Variants in NKAIN3 observed in about 807,000 individuals in gnomAD.
NKAIN3 encodes sodium/potassium-transporting ATPase subunit beta-1-interacting protein 3.
In NKAIN3, 25 loss-of-function variants were observed where a neutral mutation model predicts 30.2. The observed-to-expected ratio is 0.83, with a 90% CI of 0.60 to 1.16. The LOEUF is 1.16. NKAIN3 is among the 50% of genes most tolerant of loss of function. The pLI, the probability that NKAIN3 is intolerant of heterozygous loss-of-function variation, is 0.00. For synonymous variants in NKAIN3, 91 were observed against 89.6 expected, an observed-to-expected ratio of 1.02 and a Z score of -0.09; for missense variants, 225 against 254.1, an observed-to-expected ratio of 0.89 and a Z score of 0.78.
chr8:62,788,946 T>C (rs1817614566), intron 4 of NKAIN3, among the ~76,000 whole-genome samples: 2 of 152,204 alleles, frequency 1.3e-5, no homozygotes, highest in East Asian at 3.9e-4. Context: ...TCTTCTAGTA[T>C]AGTTTGAAGT....
chr8:62,386,510 T>C (rs947502295), intron 1 of NKAIN3, among the ~76,000 whole-genome samples: 2 of 152,210 alleles, frequency 1.3e-5, no homozygotes, highest in African/African-American at 4.8e-5. Context: ...CAATGTATGA[T>C]TGCAAGTTAA....
chr8:62,711,337 G>A (rs757471404), intron 3 of NKAIN3, among the ~76,000 whole-genome samples: 4 of 152,026 alleles, frequency 2.6e-5, no homozygotes, highest in South Asian at 2.1e-4. Flanking sequence ...TGTTTTCCAC[G>A]GTTTTAGAAT....
At chr8:62,530,896 C>T (rs1014145019) in intron 1 of NKAIN3, among the ~76,000 whole-genome samples, 7 of 152,110 alleles carry the variant, frequency 4.6e-5, no homozygotes, top group South Asian at 2.1e-4. Flanking sequence ...CTGCCCACCT[C>T]GGCCTCCCAA....
chr8:62,284,576 G>GC (rs1304365891), intron 1 of NKAIN3, among the ~76,000 whole-genome samples: 1 of 152,016 alleles, frequency 6.6e-6, no homozygotes, highest in Admixed American at 6.6e-5. Context: ...GTTGCACTGA[G>GC]CCAAGATTGC....
intron 3 of NKAIN3, among the ~76,000 whole-genome samples, chr8:62,600,759 A>C (rs1410355312): frequency 6.6e-6 from 1 of 152,020 alleles, no homozygotes; most frequent in Admixed American, 6.6e-5. Context: ...TTTTGACTTA[A>C]ATTTTTTGAC....
chr8:62,684,126 C>T (rs535833472), intron 3 of NKAIN3, among the ~76,000 whole-genome samples: 5 of 152,130 alleles, frequency 3.3e-5, no homozygotes, highest in Non-Finnish European at 7.3e-5. Context: ...TCAGACTCCA[C>T]CTTACATATT....
At chr8:62,910,754 A>ATT (rs11343811) in intron 4 of NKAIN3, among the ~76,000 whole-genome samples, 50 of 149,228 alleles carry the variant, frequency 3.4e-4, no homozygotes, top group Admixed American at 5.3e-4. Flanking sequence ...TCGGGACAGG[A>ATT]TTTTTTTTTT....
intron 3 of NKAIN3, among the ~76,000 whole-genome samples, chr8:62,696,818 G>C (rs776029827): frequency 3.3e-5 from 5 of 152,168 alleles, no homozygotes; most frequent in Non-Finnish European, 1.5e-5. Context: ...CTAACATAAA[G>C]CAGATTCATG....
intron 6 of NKAIN3, among the ~76,000 whole-genome samples, chr8:62,959,591 G>T (rs1823513584): frequency 6.6e-6 from 1 of 152,108 alleles, no homozygotes; most frequent in Non-Finnish European, 1.5e-5. Flanking sequence ...ACTCTGTCTT[G>T]ATACTGTTTT....
At chr8:62,609,127 T>C (rs888266472) in intron 3 of NKAIN3, among the ~76,000 whole-genome samples, 13 of 152,276 alleles carry the variant, frequency 8.5e-5, no homozygotes, top group African/African-American at 2.2e-4. Context: ...CTTGATCTAT[T>C]TCTTTACCTT....
chr8:62,802,890 C>A (rs533724403), intron 4 of NKAIN3, among the ~76,000 whole-genome samples: 56 of 152,234 alleles, frequency 3.7e-4, no homozygotes, highest in African/African-American at 1.3e-3. Flanking sequence ...CAGAGACACA[C>A]ATAGGCTCAA....
At chr8:62,758,911 C>T (rs538158311) in intron 4 of NKAIN3, among the ~76,000 whole-genome samples, 2 of 152,258 alleles carry the variant, frequency 1.3e-5, no homozygotes, top group Non-Finnish European at 2.9e-5. Flanking sequence ...TGGTTTATTT[C>T]ATATCTCCAC....
At position 62,439,994 on chromosome 8, in the gene NKAIN3, A is replaced by T. The variant is rs561882638; in HGVS notation, c.55-139545A>T. Among the ~76,000 whole-genome samples, 152 of 152,314 alleles carry T rather than the reference A, an allele frequency of 1.0e-3. 3 individuals are homozygous for T. Among genetic ancestry groups the T allele is most frequent in the African/African-American group, 3.6e-3 (148 of 41,578 alleles). On this transcript the variant is annotated intron_variant, in intron 1 of 6. Transcript: ENST00000623646. ...TGTTTTCCTGTAGATGCTGATTTTAATAGAAAGACATTCAGGACCCACTTT... is the reference window on the plus strand; with the variant it reads ...TGTTTTCCTGTAGATGCTGATTTTATTAGAAAGACATTCAGGACCCACTTT...
intron 1 of NKAIN3, among the ~76,000 whole-genome samples, chr8:62,497,842 C>T (rs922002312): frequency 6.6e-6 from 1 of 152,004 alleles, no homozygotes; most frequent in African/African-American, 2.4e-5. Flanking sequence ...CCTGAGTTTC[C>T]AGCATTGCCA....
intron 1 of NKAIN3, among the ~76,000 whole-genome samples, chr8:62,403,942 C>G (rs1182970621): frequency 6.6e-6 from 1 of 152,242 alleles, no homozygotes; most frequent in Non-Finnish European, 1.5e-5. Context: ...GGGACTGTAC[C>G]TGTAAAGCCA....
intron 1 of NKAIN3, among the ~76,000 whole-genome samples, chr8:62,464,461 A>T (rs777003756): frequency 3.3e-5 from 5 of 152,204 alleles, no homozygotes; most frequent in Non-Finnish European, 5.9e-5. Context: ...CTGATATTTA[A>T]TTCATAAAGT....
chr8:62,536,463 A>C (rs1808666311), intron 1 of NKAIN3, among the ~76,000 whole-genome samples: 1 of 152,132 alleles, frequency 6.6e-6, no homozygotes, highest in Admixed American at 6.6e-5. Flanking sequence ...GACCTTATCA[A>C]GTGGATTTAT....
chr8:62,894,639 A>G (rs1166827800), intron 4 of NKAIN3, among the ~76,000 whole-genome samples: 1 of 152,174 alleles, frequency 6.6e-6, no homozygotes, highest in African/African-American at 2.4e-5. Flanking sequence ...ATAAACTTCC[A>G]GAAATATTAC....
chr8:62,885,439 G>A (rs920681137), intron 4 of NKAIN3, among the ~76,000 whole-genome samples: 2 of 152,210 alleles, frequency 1.3e-5, no homozygotes, highest in African/African-American at 2.4e-5. Context: ...GTGAGCTTGA[G>A]AAGAATGTAT....
Sources: gnomAD v4.1 joint callset for allele counts (sites outside exome capture counted in the v4.1 genomes callset) on GRCh38, gnomAD v4.1.1 for gene constraint, MANE v1.5 for transcripts, NCBI Gene and HGNC (gene_info 2026-07-23, HGNC 2026-07-21) for gene names.